Variants in TMEM135 observed in about 807,000 individuals in gnomAD.
TMEM135 encodes the protein peroxisomal membrane protein 52.
TMEM135 carries 30 observed loss-of-function variants against 60.3 expected under a neutral mutation model. The observed-to-expected ratio is 0.50, with a 90% confidence interval of 0.37 to 0.68. The LOEUF (loss-of-function observed/expected upper bound fraction) is 0.68, where lower values mean the gene tolerates loss of function less well. Ranked by LOEUF, TMEM135 falls within the 30% of genes least tolerant of loss-of-function variation. The pLI is 0.00. For synonymous variants in TMEM135, 190 were observed against 186.7 expected (o/e 1.02, Z -0.14); for missense variants, 468 against 548.8 (o/e 0.85, Z 1.47).
chr11:87,324,026 A>G lies in TMEM135; in HGVS notation c.*2693A>G, dbSNP rs1468769068. 2.2e-6 allele frequency: 1 copy of G among 453,930 alleles called. No individual in the cohort carries two copies. The highest frequency in any genetic ancestry group is 1.6e-5 in the South Asian group (1 of 64,388). The allele number at this position is 453,930 out of a possible 1,614,324, so 28.1% of individuals were successfully genotyped here. ...TTTTTGGCTCTCAGATTTTATAATG[A>G]ACTTTTATTAGACTGAACATGTATG... On this transcript the variant is annotated 3_prime_UTR_variant, in exon 15 of 15. Coordinates refer to ENST00000305494, the MANE Select transcript of TMEM135 (RefSeq NM_022918.4).
At chr11:87,045,309 C>T (rs768771202) in intron 1 of TMEM135, among the ~76,000 whole-genome samples, 3 of 152,164 alleles carry the variant, frequency 2.0e-5, no homozygotes, top group Admixed American at 6.5e-5. Flanking sequence ...GGATTACAGG[C>T]GTGAGCCACC....
In TMEM135 at chr11:87,067,738, C is replaced by A; in HGVS notation, c.186C>A (p.His62Gln). The change falls in exon 2 of 15, where the codon CAC becomes CAA. Residue 62 changes from histidine (H) to glutamine (Q), a missense_variant. Transcript: ENST00000305494. ...LRKRKLDYYL[H>Q]KLLPEILQSA... ...AACGGAAATTAGACTATTATTTACA[C>A]AAACTACTCCCTGAGATCCTACAAT... 6.2e-7 allele frequency: 1 copy of A among 1,613,948 alleles called. No individual in the cohort carries two copies. Among genetic ancestry groups the A allele is most frequent in the East Asian group, 2.2e-5 (1 of 44,826 alleles).
chr11:87,039,687 C>T (rs1949734359), intron 1 of TMEM135, among the ~76,000 whole-genome samples: 1 of 152,174 alleles, frequency 6.6e-6, no homozygotes, highest in Non-Finnish European at 1.5e-5. Context: ...CATCTACAAA[C>T]ATTATTGAGC....
At chr11:87,157,268 A>C in intron 4 of TMEM135, 73 bp from the exon 5 acceptor site, 1 of 1,342,574 alleles carries the variant, frequency 7.4e-7, no homozygotes, top group Non-Finnish European at 1.1e-6. Flanking sequence ...TTTCACATTT[A>C]GGGTGTGGGA....
chr11:87,265,527 T>C (rs971507473), intron 6 of TMEM135, among the ~76,000 whole-genome samples: 1 of 152,062 alleles, frequency 6.6e-6, no homozygotes, highest in Non-Finnish European at 1.5e-5. Context: ...TTTGTTTGAC[T>C]ACTATGTCAG....
chr11:87,290,764 A>G (rs1057406928), intron 6 of TMEM135, among the ~76,000 whole-genome samples: 1 of 152,036 alleles, frequency 6.6e-6, no homozygotes, highest in Admixed American at 6.6e-5. Context: ...CTTTTCCTCC[A>G]TGTCTTTTTT....
intron 5 of TMEM135, among the ~76,000 whole-genome samples, chr11:87,208,168 G>A (rs1387505430): frequency 6.6e-6 from 1 of 152,174 alleles, no homozygotes; most frequent in Non-Finnish European, 1.5e-5. Context: ...TCTAAAAGCA[G>A]AGTGTCTTTT....
chr11:87,054,932 C>T (rs964727562), intron 1 of TMEM135, among the ~76,000 whole-genome samples: 2 of 152,114 alleles, frequency 1.3e-5, no homozygotes, highest in Non-Finnish European at 2.9e-5. Flanking sequence ...ATCTTCATTT[C>T]CTTTCACTGT....
At chr11:87,279,809 T>C (rs1942028491) in intron 6 of TMEM135, among the ~76,000 whole-genome samples, 1 of 152,226 alleles carries the variant, frequency 6.6e-6, no homozygotes, top group East Asian at 1.9e-4. Context: ...ATTATTCACA[T>C]ACACACAGAA....
At chr11:87,129,383 C>T (rs1345759708) in intron 4 of TMEM135, among the ~76,000 whole-genome samples, 1 of 151,154 alleles carries the variant, frequency 6.6e-6, no homozygotes, top group East Asian at 1.9e-4. Context: ...GCTGGGACTA[C>T]AGTCGCACAC....
intron 6 of TMEM135, among the ~76,000 whole-genome samples, chr11:87,242,172 G>A (rs1941151390): frequency 6.6e-6 from 1 of 151,308 alleles, no homozygotes; most frequent in African/African-American, 2.4e-5. Flanking sequence ...CCCTACAAAG[G>A]ACATGAACTC....
intron 6 of TMEM135, chr11:87,259,089 G>A: frequency 9.3e-7 from 1 of 1,077,116 alleles, no homozygotes; most frequent in Non-Finnish European, 1.4e-6. Flanking sequence ...AGAGGTTCTG[G>A]CCGCAGACCG....
chr11:87,098,555 TGAA>T (rs575493873), intron 4 of TMEM135, among the ~76,000 whole-genome samples: 153 of 152,134 alleles, frequency 1.0e-3, no homozygotes, highest in Non-Finnish European at 1.6e-3. Flanking sequence ...ATAAATAACT[TGAA>T]GAAATCATCT....
chr11:87,043,737 A>G (rs2513223), intron 1 of TMEM135, among the ~76,000 whole-genome samples: 13,099 of 151,662 alleles, frequency 0.086, 1,133 homozygotes, highest in East Asian at 0.34. Flanking sequence ...AAACAAACAA[A>G]CAAACAAAAA....
rs1169774229 is a variant in TMEM135 at position 87,328,102 on chromosome 11, G to A, written c.*6769G>A. On this transcript the variant is annotated 3_prime_UTR_variant, in exon 15 of 15. Coordinates refer to ENST00000305494, the MANE Select transcript of TMEM135 (RefSeq NM_022918.4). ...TGATGCCTAAAATTAACCATCACAGGCTTTATGGCTCTATTACCCAAGAAT... is the reference window on the plus strand; with the variant it reads ...TGATGCCTAAAATTAACCATCACAGACTTTATGGCTCTATTACCCAAGAAT... 2.6e-5 allele frequency: 12 copies of A among 453,882 alleles called. No homozygotes were observed. The highest frequency in any genetic ancestry group is 1.9e-4 in the Admixed American group (8 of 42,548). 28.1% of individuals were successfully genotyped at this position (453,882 alleles called of 1,614,324 possible). A position where few individuals can be genotyped will look rare whatever the true frequency, so the allele number is the denominator to read the frequency against.
At chr11:87,097,243 C>T (rs570200443) in intron 4 of TMEM135, among the ~76,000 whole-genome samples, 28 of 152,184 alleles carry the variant, frequency 1.8e-4, no homozygotes, top group South Asian at 1.2e-3. Flanking sequence ...GTGATCTGCC[C>T]GCCTCGGCCT....
At chr11:87,155,091 C>G (rs1306323103) in intron 4 of TMEM135, among the ~76,000 whole-genome samples, 4 of 145,922 alleles carry the variant, frequency 2.7e-5, no homozygotes, top group Admixed American at 2.1e-4. Context: ...CTCCGTCTCC[C>G]AAGTTCAAGT....
intron 9 of TMEM135, 67 bp from the exon 10 acceptor site, chr11:87,309,433 GGTAAA>G: frequency 1.3e-6 from 2 of 1,503,646 alleles, no homozygotes; most frequent in Non-Finnish European, 1.8e-6. Context: ...ATTTTGAGAT[GGTAAA>G]ATTCGTATTC....
At chr11:87,096,917 A>G (rs11234964) in intron 4 of TMEM135, among the ~76,000 whole-genome samples, 12,324 of 151,866 alleles carry the variant, frequency 0.081, 569 homozygotes, top group East Asian at 0.18. Context: ...TCTATATATC[A>G]TTATGGCCTC....
Sources: gnomAD v4.1 joint callset for allele counts (sites outside exome capture counted in the v4.1 genomes callset) on GRCh38, gnomAD v4.1.1 for gene constraint, MANE v1.5 for transcripts, NCBI Gene and HGNC (gene_info 2026-07-23, HGNC 2026-07-21) for gene names.